The following IL1RAPL2 variants were observed in gnomAD, a reference collection of about 807,000 sequenced individuals.
IL1RAPL2 encodes interleukin 1 receptor accessory protein like 2.
In IL1RAPL2, 3 loss-of-function variants were observed where a neutral mutation model predicts 44.1. That is an observed-to-expected ratio of 0.07 (90% CI 0.03 to 0.18). IL1RAPL2 has a LOEUF of 0.18. Ranked by LOEUF, IL1RAPL2 falls within the 10% of genes least tolerant of loss-of-function variation. The pLI is 1.00. For missense variants in IL1RAPL2, 391 were observed against 496.4 expected (o/e 0.79, Z 2.02); for synonymous variants, 181 against 178.8 (o/e 1.01, Z -0.10).
chrX:105,445,678 C>G (rs1232949281), intron 5 of IL1RAPL2, among the ~76,000 whole-genome samples: 3 of 111,240 alleles, frequency 2.7e-5, no homozygotes. Flanking sequence ...TCTTTAATTT[C>G]CATGGATTTT....
At chrX:105,044,848 A>T (rs1296610760) in intron 2 of IL1RAPL2, among the ~76,000 whole-genome samples, 1 of 111,206 alleles carries the variant, frequency 9.0e-6, no homozygotes, top group Non-Finnish European at 1.9e-5. Flanking sequence ...GACAGCAAAG[A>T]TGACTTGTAC....
At chrX:104,840,889 C>A (rs984871267) in intron 2 of IL1RAPL2, among the ~76,000 whole-genome samples, 1 of 108,868 alleles carries the variant, frequency 9.2e-6, no homozygotes, top group Non-Finnish European at 1.9e-5. Flanking sequence ...AGTGTTTTTC[C>A]ATGTTGGTCA....
rs376525422 is a variant in IL1RAPL2 at position 104,673,964 on chromosome X, G to C, written c.82+14969G>C. 6.3e-5 allele frequency among the ~76,000 whole-genome samples: 7 copies of C among 111,478 alleles called. No individual in the cohort carries two copies. In the East Asian group the frequency reaches 2.0e-3, roughly 31 times the overall value. On this transcript the variant is annotated intron_variant, in intron 2 of 10. Transcript: ENST00000372582. ...CATTGATTTTGTATCCTGAGAGTTT[G>C]CTGAAGTTGCTTATCAGCTTAAGGA...
chrX:105,111,406 C>T (rs1175203225), intron 2 of IL1RAPL2, among the ~76,000 whole-genome samples: 1 of 111,401 alleles, frequency 9.0e-6, no homozygotes, highest in Non-Finnish European at 1.9e-5. Context: ...TAAATTGATA[C>T]TAATGGCACT....
rs376904211 is a variant in IL1RAPL2, at chrX:105,407,830, G to A, written c.698-76483G>A. 2.4e-4 allele frequency among the ~76,000 whole-genome samples: 27 copies of A among 111,893 alleles called. No homozygotes were observed. The South Asian group carries it at 0.01, about 42-fold the overall frequency. On this transcript the variant is annotated intron_variant, in intron 5 of 10. Transcript: ENST00000372582. Reference sequence around the variant, plus strand: ...TTTCTCAGAATTTCATTCTAGGCAAGTTCCACTCAACACCAGACCAAGCAA... The same window carrying A: ...TTTCTCAGAATTTCATTCTAGGCAAATTCCACTCAACACCAGACCAAGCAA...
chrX:104,675,273 C>T (rs1457006533), intron 2 of IL1RAPL2, among the ~76,000 whole-genome samples: 140 of 110,518 alleles, frequency 1.3e-3, no homozygotes, highest in African/African-American at 3.9e-3. Context: ...GCTTTAAATG[C>T]GTCCCAGAGA....
intron 6 of IL1RAPL2, among the ~76,000 whole-genome samples, chrX:105,669,379 G>A (rs1436921787): frequency 1.8e-5 from 2 of 111,205 alleles, no homozygotes; most frequent in Non-Finnish European, 3.8e-5. Context: ...TATTAATTAT[G>A]TATAGAAAAT....
intron 5 of IL1RAPL2, among the ~76,000 whole-genome samples, chrX:105,327,015 G>C (rs962310409): frequency 4.4e-5 from 5 of 112,373 alleles, no homozygotes; most frequent in African/African-American, 1.6e-4. Context: ...CACCAAGTGA[G>C]AGAGATGAAA....
At chrX:104,769,084 G>T (rs1200315747) in intron 2 of IL1RAPL2, among the ~76,000 whole-genome samples, 1 of 111,258 alleles carries the variant, frequency 9.0e-6, no homozygotes, top group Non-Finnish European at 1.9e-5. Flanking sequence ...AAATGAGCAG[G>T]TTAAAAAAAT....
intron 2 of IL1RAPL2, among the ~76,000 whole-genome samples, chrX:105,030,347 T>C (rs975551041): frequency 9.0e-6 from 1 of 111,550 alleles, no homozygotes; most frequent in African/African-American, 3.3e-5. Context: ...TGGTATTGCC[T>C]AGGTTTTCTT....
chrX:104,814,375 A>G (rs1921079525), intron 2 of IL1RAPL2, among the ~76,000 whole-genome samples: 1 of 112,019 alleles, frequency 8.9e-6, no homozygotes, highest in South Asian at 3.7e-4. Context: ...TATTGCATTG[A>G]ATTAGTTTCT....
At chrX:104,677,625 C>A in intron 2 of IL1RAPL2, among the ~76,000 whole-genome samples, 1 of 112,642 alleles carries the variant, frequency 8.9e-6, no homozygotes, top group Non-Finnish European at 1.9e-5. Flanking sequence ...TGGGCTCTGC[C>A]CAGTTCGAGC....
intron 6 of IL1RAPL2, among the ~76,000 whole-genome samples, chrX:105,599,847 G>A (rs2037237744): frequency 9.1e-6 from 1 of 110,162 alleles, no homozygotes; most frequent in South Asian, 3.9e-4. Context: ...TGGCCCTTTA[G>A]TCTTGGTAAA....
At chrX:105,353,581 A>G (rs748985065) in intron 5 of IL1RAPL2, among the ~76,000 whole-genome samples, 17 of 111,408 alleles carry the variant, frequency 1.5e-4, no homozygotes, top group Non-Finnish European at 2.1e-4. Context: ...ATGTTCTTCC[A>G]TTTGTTTGTA....
At chrX:104,588,982 T>C (rs1244100297) in intron 1 of IL1RAPL2, among the ~76,000 whole-genome samples, 1 of 112,213 alleles carries the variant, frequency 8.9e-6, no homozygotes, top group Non-Finnish European at 1.9e-5. Flanking sequence ...AATATAGCTG[T>C]CCAACCATCT....
At chrX:105,369,908 G>A (rs377382844) in intron 5 of IL1RAPL2, among the ~76,000 whole-genome samples, 1 of 111,449 alleles carries the variant, frequency 9.0e-6, no homozygotes. Context: ...TTCAAAAGTG[G>A]TAAACTGACC....
intron 2 of IL1RAPL2, among the ~76,000 whole-genome samples, chrX:105,154,141 C>T (rs112551685): frequency 4.5e-5 from 5 of 111,164 alleles, no homozygotes; most frequent in African/African-American, 1.3e-4. Context: ...TCTGTTTTAT[C>T]GGTATTAAGA....
chrX:105,377,842 G>T (rs2035399684), intron 5 of IL1RAPL2, among the ~76,000 whole-genome samples: 1 of 111,469 alleles, frequency 9.0e-6, no homozygotes, highest in Admixed American at 9.6e-5. Flanking sequence ...TACCACACTT[G>T]GAAAATAGAC....
chrX:105,302,777 A>C (rs1001077023), intron 5 of IL1RAPL2, among the ~76,000 whole-genome samples: 1 of 112,056 alleles, frequency 8.9e-6, no homozygotes, highest in Admixed American at 9.5e-5. Flanking sequence ...AAGTACCTTA[A>C]GTCCACTGGC....
Sources: allele counts gnomAD v4.1 joint callset (sites outside exome capture counted in the v4.1 genomes callset), GRCh38; gene constraint gnomAD v4.1.1; transcripts MANE v1.5; gene names NCBI Gene and HGNC (gene_info 2026-07-23, HGNC 2026-07-21).